ALG1: variants seen among roughly 807,000 people sequenced by gnomAD.
ALG1 encodes the protein ALG1 chitobiosyldiphosphodolichol beta-mannosyltransferase.
In ALG1, 58 loss-of-function variants were observed where a neutral mutation model predicts 55.1. The observed-to-expected ratio is 1.05, with a 90% CI of 0.85 to 1.31. ALG1 has a LOEUF of 1.31. Among genes scored for constraint, ALG1 ranks in the 50% most tolerant of loss-of-function variants. The pLI, the probability that ALG1 is intolerant of heterozygous loss-of-function variation, is 0.00. For synonymous variants in ALG1, 309 were observed against 247.0 expected, an observed-to-expected ratio of 1.25 and a Z score of -2.35; for missense variants, 761 against 598.6, an observed-to-expected ratio of 1.27 and a Z score of -2.83.
intron 11 of ALG1, among the ~76,000 whole-genome samples, chr16:5,083,438 C>T (rs1377218178): frequency 2.0e-5 from 3 of 152,200 alleles, no homozygotes; most frequent in Non-Finnish European, 2.9e-5. Flanking sequence ...GCATCCAGCA[C>T]AGAAGGTACA....
intron 4 of ALG1, among the ~76,000 whole-genome samples, chr16:5,076,768 G>C (rs971669183): frequency 6.7e-6 from 1 of 150,292 alleles, no homozygotes; most frequent in African/African-American, 2.4e-5. Flanking sequence ...GAGATCGCTA[G>C]TGAGGCCTTC....
chr16:5,076,194 C>T (rs1367645021), intron 4 of ALG1, among the ~76,000 whole-genome samples: 1 of 152,236 alleles, frequency 6.6e-6, no homozygotes, highest in African/African-American at 2.4e-5. Context: ...CTCTGCACGG[C>T]CAGCCTTCAG....
intron 4 of ALG1, among the ~76,000 whole-genome samples, chr16:5,075,870 T>C (rs1005745027): frequency 6.6e-6 from 1 of 152,144 alleles, no homozygotes; most frequent in Non-Finnish European, 1.5e-5. Flanking sequence ...CGTAGGCTCA[T>C]TGGGGAGGGC....
intron 5 of ALG1, 82 bp downstream of exon 5, chr16:5,077,616 C>T (rs1239117956): frequency 4.3e-6 from 6 of 1,410,728 alleles, no homozygotes; most frequent in Admixed American, 1.7e-5. Flanking sequence ...TTGCCTGCTG[C>T]CGTCCTGCTG....
chr16:5,072,920 G>A (rs1956842776), intron 1 of ALG1, 31 bp from the exon 2 acceptor site: 1 of 1,592,542 alleles, frequency 6.3e-7, no homozygotes, highest in African/African-American at 1.3e-5. Flanking sequence ...GCTGCTTCTG[G>A]TACATTAAAG....
chr16:5,073,333 G>T (rs1956852654), intron 3 of ALG1, 77 bp downstream of exon 3: 1 of 1,289,254 alleles, frequency 7.8e-7, no homozygotes, highest in Non-Finnish European at 1.1e-6. Flanking sequence ...GTACTATATT[G>T]CATATTCATA....
rs1957085425 is a variant in ALG1 at position 5,084,670 on chromosome 16, A to G, written c.1264-80A>G. 9.4e-6 allele frequency: 15 copies of G among 1,590,928 alleles called. No individual in the cohort carries two copies. In the South Asian group the frequency reaches 1.7e-4, roughly 18 times the overall value. On this transcript the variant is annotated intron_variant, in intron 12 of 12. Coordinates refer to ENST00000262374, the MANE Select transcript of ALG1 (RefSeq NM_019109.5). ...GGGAGGGGTTGTTGTTGGGTCGGGG[A>G]CCTGGGGTCAGCCAGGTGGTGACCT...
Position 5,072,998 on chromosome 16 carries a change from G to C in ALG1, c.256G>C (p.Val86Leu), listed in dbSNP as rs892818604. ...CTTGCAGAACAACAGAATTCAGATT[G>C]TGGGGTTGACAGAACTTCAGAGTCT... Reference protein sequence around the residue: ...ELLQNNRIQIVGLTELQSLAV... With the variant: ...ELLQNNRIQILGLTELQSLAV... Residue 86 changes from valine to leucine, a missense_variant, in exon 2 of 13, where the codon GTG becomes CTG. Coordinates refer to ENST00000262374, the MANE Select transcript of ALG1 (RefSeq NM_019109.5). 5 of 1,614,190 alleles carry C rather than the reference G, an allele frequency of 3.1e-6. No individual in the cohort carries two copies. The highest frequency in any genetic ancestry group is 1.3e-5 in the African/African-American group (1 of 75,026).
intron 4 of ALG1, among the ~76,000 whole-genome samples, chr16:5,077,213 C>T (rs1345773614): frequency 2.0e-5 from 3 of 151,972 alleles, no homozygotes; most frequent in South Asian, 4.1e-4. Context: ...TGCTTTGTTG[C>T]CCAGGCTGGA....
chr16:5,084,152 T>C (rs188171393), intron 12 of ALG1, among the ~76,000 whole-genome samples: 12 of 152,268 alleles, frequency 7.9e-5, no homozygotes, highest in Admixed American at 2.6e-4. Flanking sequence ...AAGTAATACA[T>C]CATTCTTGCC....
At chr16:5,084,037 AG>A (rs1293648126) in intron 12 of ALG1, among the ~76,000 whole-genome samples, 1 of 152,218 alleles carries the variant, frequency 6.6e-6, no homozygotes, top group Non-Finnish European at 1.5e-5. Context: ...GCTGCGGTTG[AG>A]GAAGTGATCA....
chr16:5,079,736 T>C lies in ALG1; in HGVS notation c.902-12T>C, dbSNP rs781282806. 1 of 1,611,678 alleles carries C rather than the reference T, an allele frequency of 6.2e-7. No homozygotes were observed. The highest frequency in any genetic ancestry group is 8.5e-7 in the Non-Finnish European group (1 of 1,179,560). Reference sequence around the variant, plus strand: ...AAATTCCATGTAGAATTGTTTCTTTTTCTAAACACAGAGTTTGAACAACTG... The same window carrying C: ...AAATTCCATGTAGAATTGTTTCTTTCTCTAAACACAGAGTTTGAACAACTG... On this transcript the variant is annotated splice_polypyrimidine_tract_variant and intron_variant, in intron 8 of 12. Coordinates refer to ENST00000262374, the MANE Select transcript of ALG1 (RefSeq NM_019109.5).
chr16:5,075,412 G>A lies in ALG1; in HGVS notation c.415G>A (p.Ala139Thr). 1.9e-6 allele frequency: 3 copies of A among 1,614,152 alleles called. No individual in the cohort carries two copies. The highest frequency in any genetic ancestry group is 2.5e-6 in the Non-Finnish European group (3 of 1,180,042). ...LQNPPGLPSI[A>T]VCWFVGCLCG... ...GAACCCCCCAGGTCTGCCTAGCATTGCTGTCTGCTGGTTCGTGGGCTGCCT... is the reference window on the plus strand; with the variant it reads ...GAACCCCCCAGGTCTGCCTAGCATTACTGTCTGCTGGTTCGTGGGCTGCCT... Residue 139 changes from alanine (A) to threonine (T), a missense_variant, in exon 4 of 13, where the codon GCT becomes ACT. Physicochemically the swap from Ala to Thr is moderately conservative, Grantham distance 58 (BLOSUM62 0). Transcript: ENST00000262374.
Position 5,071,971 on chromosome 16 carries a change from G to T in ALG1, c.122G>T (p.Gly41Val). ...CGGCATGTAGTAGCGGTGGTGCTGG[G>T]CGACGTGGGCCGCAGCCCCCGTATG... ...AARHVVAVVLGDVGRSPRMQY... is the reference protein window; with the variant it reads ...AARHVVAVVLVDVGRSPRMQY... The change falls in exon 1 of 13, where the codon GGC becomes GTC. Residue 41 changes from glycine (G) to valine (V), a missense_variant. Physicochemically the swap from Gly to Val is moderately radical, Grantham distance 109. Transcript: ENST00000262374. 1.3e-6 allele frequency: 2 copies of T among 1,591,960 alleles called. No individual in the cohort carries two copies. The highest frequency in any genetic ancestry group is 8.6e-7 in the Non-Finnish European group (1 of 1,169,280).
intron 12 of ALG1, 179 bp from the exon 13 acceptor site, chr16:5,084,571 G>T (rs1957082476): frequency 2.0e-6 from 2 of 994,380 alleles, no homozygotes; most frequent in South Asian, 2.9e-5. Context: ...TCCAGAAACT[G>T]TGATGTCAAG....
intron 12 of ALG1, 172 bp from the exon 13 acceptor site, chr16:5,084,578 C>G: frequency 9.6e-7 from 1 of 1,046,974 alleles, no homozygotes; most frequent in Non-Finnish European, 1.4e-6. Context: ...ACTGTGATGT[C>G]AAGTTGGAGG....
chr16:5,078,389 T>A, intron 6 of ALG1: 1 of 585,570 alleles, frequency 1.7e-6, no homozygotes, highest in Non-Finnish European at 3.2e-6. Context: ...TCCCCTGGGG[T>A]GTCTCATGGG....
intron 6 of ALG1, chr16:5,078,408 G>T: frequency 1.7e-6 from 1 of 594,064 alleles, no homozygotes; most frequent in South Asian, 1.5e-5. Context: ...GGGCTAAGGA[G>T]GGGACCTTTG....
intron 9 of ALG1, among the ~76,000 whole-genome samples, chr16:5,080,416 CT>C (rs1956996856): frequency 6.6e-6 from 1 of 152,188 alleles, no homozygotes; most frequent in South Asian, 2.1e-4. Flanking sequence ...GGAAGAGCCC[CT>C]GTCCCACAGT....
Sources: allele counts gnomAD v4.1 joint callset (sites outside exome capture counted in the v4.1 genomes callset), GRCh38; gene constraint gnomAD v4.1.1; transcripts MANE v1.5; gene names NCBI Gene and HGNC (gene_info 2026-07-23, HGNC 2026-07-21).